Variants in CNTNAP5 observed in about 807,000 individuals in gnomAD.
CNTNAP5 encodes the protein contactin-associated protein-like 5.
In CNTNAP5, 72 loss-of-function variants were observed where a neutral mutation model predicts 150.2. That is an observed-to-expected ratio of 0.48 (90% CI 0.40 to 0.58). CNTNAP5 has a LOEUF of 0.58. Among genes scored for constraint, CNTNAP5 ranks in the 20% least tolerant of loss-of-function variants. CNTNAP5 has a pLI of 0.00. For missense variants in CNTNAP5, 1,636 were observed against 1,626.2 expected, an observed-to-expected ratio of 1.01 and a Z score of -0.10; for synonymous variants, 672 against 619.8, an observed-to-expected ratio of 1.08 and a Z score of -1.25.
chr2:124,806,622 G>A (rs1172490985), intron 19 of CNTNAP5, among the ~76,000 whole-genome samples: 1 of 152,152 alleles, frequency 6.6e-6, no homozygotes, highest in East Asian at 1.9e-4. Context: ...TTTCAGCAAT[G>A]CTGGTTGCTT....
chr2:124,813,763 C>A (rs994208924), intron 19 of CNTNAP5, among the ~76,000 whole-genome samples: 1 of 151,876 alleles, frequency 6.6e-6, no homozygotes, highest in Non-Finnish European at 1.5e-5. Context: ...TCTTTCTCAC[C>A]CCTCTGGAGT....
intron 2 of CNTNAP5, among the ~76,000 whole-genome samples, chr2:124,230,492 TTG>T (rs10574167): frequency 0.47 from 69,574 of 148,696 alleles, 16,706 homozygotes; most frequent in South Asian, 0.73. Context: ...TTTATTTCTT[TTG>T]TGTGTGTGTG....
intron 3 of CNTNAP5, among the ~76,000 whole-genome samples, chr2:124,344,950 C>T (rs1689702445): frequency 6.6e-6 from 1 of 152,112 alleles, no homozygotes; most frequent in Non-Finnish European, 1.5e-5. Context: ...AGTCTCTGTA[C>T]TTGGAAGTGG....
chr2:124,909,211 AT>A (rs1245663643), intron 22 of CNTNAP5, among the ~76,000 whole-genome samples: 1 of 152,128 alleles, frequency 6.6e-6, no homozygotes, highest in East Asian at 1.9e-4. Context: ...CAGGTGTAGC[AT>A]TTATTTAAAT....
rs1463559125 is a variant in CNTNAP5 at position 124,689,613 on chromosome 2, A to G, written c.2077+41655A>G. On this transcript the variant is annotated intron_variant, in intron 13 of 23. Coordinates refer to ENST00000682447, the MANE Select transcript of CNTNAP5 (RefSeq NM_001367498.1). Reference sequence around the variant, plus strand: ...TCTGTGTATATGCATGTGTGCATTTATGTGCACATATGTGTATGTTCAGAT... The same window carrying G: ...TCTGTGTATATGCATGTGTGCATTTGTGTGCACATATGTGTATGTTCAGAT... 3.9e-5 allele frequency among the ~76,000 whole-genome samples: 6 copies of G among 151,990 alleles called. No individual in the cohort carries two copies. The South Asian group carries it at 1.2e-3, about 32-fold the overall frequency.
intron 3 of CNTNAP5, among the ~76,000 whole-genome samples, chr2:124,376,418 G>C (rs1053693803): frequency 6.6e-6 from 1 of 152,040 alleles, no homozygotes; most frequent in Non-Finnish European, 1.5e-5. Context: ...AGTTTCATTT[G>C]GGTAAGTGGA....
At chr2:124,419,277 T>C (rs1465423746) in intron 4 of CNTNAP5, among the ~76,000 whole-genome samples, 1 of 152,130 alleles carries the variant, frequency 6.6e-6, no homozygotes, top group East Asian at 1.9e-4. Context: ...TTTTGCTTTT[T>C]CTCAGTCTGT....
intron 13 of CNTNAP5, among the ~76,000 whole-genome samples, chr2:124,717,349 G>A (rs139259141): frequency 3.9e-5 from 6 of 152,216 alleles, no homozygotes; most frequent in Non-Finnish European, 7.4e-5. Context: ...TAATGTTCAG[G>A]GAATACTTGA....
chr2:124,671,507 C>T (rs929679658), intron 13 of CNTNAP5, among the ~76,000 whole-genome samples: 3 of 151,860 alleles, frequency 2.0e-5, no homozygotes, highest in Admixed American at 2.0e-4. Flanking sequence ...TACTCATGGC[C>T]CTATAATTTA....
At chr2:124,521,119 A>G (rs1451343757) in intron 8 of CNTNAP5, among the ~76,000 whole-genome samples, 2 of 152,092 alleles carry the variant, frequency 1.3e-5, no homozygotes, top group South Asian at 2.1e-4. Flanking sequence ...CTCCAATGAC[A>G]TGGCTCCTGA....
chr2:124,782,172 T>C (rs1437962765), intron 17 of CNTNAP5, among the ~76,000 whole-genome samples: 1 of 152,208 alleles, frequency 6.6e-6, no homozygotes, highest in Non-Finnish European at 1.5e-5. Context: ...TTTTTTATCC[T>C]TTTGTTTATT....
intron 2 of CNTNAP5, among the ~76,000 whole-genome samples, chr2:124,229,144 A>G (rs1686547578): frequency 6.6e-6 from 1 of 152,196 alleles, no homozygotes; most frequent in Non-Finnish European, 1.5e-5. Flanking sequence ...TTGCCATAGC[A>G]GAAAAGACCA....
intron 3 of CNTNAP5, among the ~76,000 whole-genome samples, chr2:124,336,109 G>T (rs1312086867): frequency 2.0e-5 from 3 of 151,980 alleles, no homozygotes; most frequent in African/African-American, 7.3e-5. Context: ...AAATGAATGG[G>T]CAAAGAGCAG....
At chr2:124,867,494 C>A (rs1677657475) in intron 20 of CNTNAP5, among the ~76,000 whole-genome samples, 1 of 152,148 alleles carries the variant, frequency 6.6e-6, no homozygotes, top group Non-Finnish European at 1.5e-5. Context: ...CTTTCCTTGT[C>A]CTCTCATTGA....
chr2:124,154,882 C>T (rs183335958), intron 1 of CNTNAP5, among the ~76,000 whole-genome samples: 65 of 152,208 alleles, frequency 4.3e-4, no homozygotes, highest in Admixed American at 1.2e-3. Context: ...GTCAGATTAT[C>T]TGCTGTGGGG....
chr2:124,293,063 G>A (rs1024798353), intron 3 of CNTNAP5, among the ~76,000 whole-genome samples: 1 of 151,968 alleles, frequency 6.6e-6, no homozygotes, highest in Non-Finnish European at 1.5e-5. Flanking sequence ...TTTTATTGGT[G>A]AAAATTGTTT....
In CNTNAP5 at chr2:124,786,507, A is replaced by AAAAGAAAGAAAGAAAGAAAG. The variant is rs150483975; in HGVS notation, c.2753-3378_2753-3377insAAGAAAGAAAGAAAGAAAGA. ...AGGAGGGAAGGAAGGGAGGGAAAGAAAAAGAAAGAAAGAAAGAGAAAGAAA... is the reference window on the plus strand; with the variant it reads ...AGGAGGGAAGGAAGGGAGGGAAAGAAAAAGAAAGAAAGAAAGAAAGAAAGAAAGAAAGAAAGAGAAAGAAA... On this transcript the variant is annotated intron_variant, in intron 17 of 23. Transcript: ENST00000682447. Among the ~76,000 whole-genome samples, 18 of 132,148 alleles carry AAAAGAAAGAAAGAAAGAAAG rather than the reference A, an allele frequency of 1.4e-4. 1 individual carries two copies. Among genetic ancestry groups the AAAAGAAAGAAAGAAAGAAAG allele is most frequent in the African/African-American group, 5.1e-4 (16 of 31,084 alleles). 86.7% of individuals were successfully genotyped at this position (132,148 alleles called of 152,430 possible).
chr2:124,510,400 G>T (rs1573424203), intron 8 of CNTNAP5, among the ~76,000 whole-genome samples: 1 of 56,222 alleles, frequency 1.8e-5, no homozygotes, highest in East Asian at 4.7e-4. Flanking sequence ...AATATTCATT[G>T]GCCACTGCAC....
intron 13 of CNTNAP5, among the ~76,000 whole-genome samples, chr2:124,655,945 G>GAGAAAGAAAGAA (rs766640499): frequency 0.031 from 1,706 of 55,452 alleles, 59 homozygotes; most frequent in African/African-American, 0.049. Context: ...GAGAGAGAGA[G>GAGAAAGAAAGAA]AGAAAGAAAG....
Sources: allele counts gnomAD v4.1 joint callset (sites outside exome capture counted in the v4.1 genomes callset), GRCh38; gene constraint gnomAD v4.1.1; transcripts MANE v1.5; gene names NCBI Gene and HGNC (gene_info 2026-07-23, HGNC 2026-07-21).